IL11: variants seen among roughly 807,000 people sequenced by gnomAD.
IL11 encodes the protein interleukin 11.
IL11 carries 17 observed loss-of-function variants against 18.1 expected under a neutral mutation model. That is an observed-to-expected ratio of 0.94 (90% CI 0.64 to 1.41). The LOEUF (loss-of-function observed/expected upper bound fraction) is 1.41, where lower values mean the gene tolerates loss of function less well. Among genes scored for constraint, IL11 ranks in the 40% most tolerant of loss-of-function variants. The pLI, the probability that IL11 is intolerant of heterozygous loss-of-function variation, is 0.00. For synonymous variants in IL11, 144 were observed against 134.1 expected (o/e 1.07, Z -0.51); for missense variants, 309 against 262.8 (o/e 1.18, Z -1.22).
Position 55,369,066 on chromosome 19 carries a change from A to T in IL11, c.8-125T>A, listed in dbSNP as rs1434544032. 7 of 813,446 alleles carry T rather than the reference A, an allele frequency of 8.6e-6. No individual in the cohort carries two copies. Among genetic ancestry groups the T allele is most frequent in the Non-Finnish European group, 1.1e-5 (6 of 557,990 alleles). 50.4% of individuals were successfully genotyped at this position (813,446 alleles called of 1,614,324 possible). ...TCTGGACTCCTCCTGGGTCTGAGGG[A>T]GGAGAGGCTGGGGGCCTGGACTCCT... On this transcript the variant is annotated intron_variant, in intron 1 of 4. Coordinates refer to ENST00000264563, the MANE Select transcript of IL11 (RefSeq NM_000641.4). This position sits in a 1 kb window ranked among gnomAD's most constrained non-coding sequence, Gnocchi z 6.1.
In IL11 at chr19:55,367,680, GAACTCCC is replaced by G. The variant is rs537918450; in HGVS notation, c.429+523_429+529del. 5.0e-4 allele frequency among the ~76,000 whole-genome samples: 76 copies of G among 151,906 alleles called. 1 individual carries two copies. In the East Asian group the frequency reaches 0.014, roughly 29 times the overall value. On this transcript the variant is annotated intron_variant, in intron 4 of 4. Coordinates refer to ENST00000264563, the MANE Select transcript of IL11 (RefSeq NM_000641.4). ...TCACCATGTTGGTCTGGCTGGTCTTGAACTCCCGACCTCAGGTGATCCACTTGCCTCG... is the reference window on the plus strand; with the variant it reads ...TCACCATGTTGGTCTGGCTGGTCTTGGACCTCAGGTGATCCACTTGCCTCG...
intron 1 of IL11, 35 bp downstream of exon 1, chr19:55,370,269 C>T (rs928488794): frequency 4.7e-6 from 7 of 1,481,078 alleles, no homozygotes; most frequent in Non-Finnish European, 6.4e-6. Flanking sequence ...TCCCTGCCTC[C>T]CTGTCCCCTC....
chr19:55,368,407 C>A (rs1469941985), intron 3 of IL11, 36 bp from the exon 4 acceptor site: 1 of 1,585,890 alleles, frequency 6.3e-7, no homozygotes, highest in Non-Finnish European at 8.6e-7. Flanking sequence ...GAACACCCGA[C>A]CAGTGCCCCT....
chr19:55,369,288 CG>C lies in IL11; in HGVS notation c.8-348del, dbSNP rs1223206135. The stretch of plus-strand genomic sequence containing the variant: ...TGGCTGCCCCGCCCGTCGGAGCAGA[CG>C]CGGCCCGGGGCGGGTAGACGGGCCG... On this transcript the variant is annotated intron_variant, in intron 1 of 4. Transcript: ENST00000264563. This position sits in a 1 kb window ranked among gnomAD's most constrained non-coding sequence, Gnocchi z 6.1. 1.1e-5 allele frequency: 2 copies of C among 180,702 alleles called. No individual in the cohort carries two copies. The highest frequency in any genetic ancestry group is 2.3e-5 in the Non-Finnish European group (2 of 86,986). The allele number at this position is 180,702 out of a possible 1,614,324, so 11.2% of individuals were successfully genotyped here.
In IL11 at chr19:55,366,123, C is replaced by A; in HGVS notation, c.484G>T (p.Ala162Ser). Residue 162 changes from alanine (A) to serine (S), a missense_variant, in exon 5 of 5, where the codon GCG (alanine) becomes TCG (serine). Transcript: ENST00000264563. This position sits in a 1 kb window ranked among gnomAD's most constrained non-coding sequence, Gnocchi z 4.6. ...CCCCCCCAGGCTGAGGAGGGGGGCGCCAGCGGGGGCGCCGGCGGGTCCGGG... is the reference window on the plus strand; with the variant it reads ...CCCCCCCAGGCTGAGGAGGGGGGCGACAGCGGGGGCGCCGGCGGGTCCGGG... ...PPPDPPAPPL[A>S]PPSSAWGGIR... The A allele has an allele frequency of 6.5e-7, 1 of 1,537,184 alleles. No homozygotes were observed.
Position 55,368,823 on chromosome 19 carries a change from G to A in IL11, c.126C>T (p.Thr42=), listed in dbSNP as rs759771192. ...CCAGGAGAGAGCGGGTCAGGAGCAC[G>A]GTGCTGTCCAGCTCGGCCCGAGGGT... is the stretch of plus-strand genomic sequence containing the variant. ...SPDPRAELDS[T]VLLTRSLLAD... is the part of the protein sequence containing the mutation. Residue 42 remains threonine, a synonymous_variant, in exon 2 of 5, where the codon ACC becomes ACT. Transcript: ENST00000264563. The A allele has an allele frequency of 4.4e-6, 7 of 1,592,864 alleles. No individual in the cohort carries two copies. The highest frequency in any genetic ancestry group is 1.8e-5 in the Admixed American group (1 of 56,184).
chr19:55,370,239 C>A (rs373870697), intron 1 of IL11, 65 bp downstream of exon 1: 13 of 1,278,300 alleles, frequency 1.0e-5, no homozygotes, highest in African/African-American at 5.9e-5. Context: ...TGCTCCCACC[C>A]CCGCCGTGGG....
rs749604182 is a variant in IL11 at position 55,368,267 on chromosome 19, G to A, written c.372C>T (p.Pro124=). ...GTCGGGCCTGCAGGGTGCCCAGCTC[G>A]GGCTCCAGGGTCTTCAGGGAAGAGC... ...AGGSSLKTLE[P]ELGTLQARLD... Residue 124 remains proline (P), a synonymous_variant, in exon 4 of 5, where the codon CCC becomes CCT. Coordinates refer to ENST00000264563, the MANE Select transcript of IL11 (RefSeq NM_000641.4). The A allele has an allele frequency of 2.1e-5, 32 of 1,553,120 alleles. No homozygotes were observed. The highest frequency in any genetic ancestry group is 3.5e-5 in the South Asian group (3 of 84,658).
chr19:55,367,740 G>A (rs1426812686), intron 4 of IL11, among the ~76,000 whole-genome samples: 3 of 151,898 alleles, frequency 2.0e-5, no homozygotes, highest in African/African-American at 4.8e-5. Context: ...GATTACAGGC[G>A]TGAGCCACCA....
rs1818509678 is a variant in IL11, at chr19:55,369,811, C to T, written c.7+493G>A. On this transcript the variant is annotated intron_variant, in intron 1 of 4. Transcript: ENST00000264563. This position sits in a 1 kb window ranked among gnomAD's most constrained non-coding sequence, Gnocchi z 6.1. ...TCCGCGCCTCCGTCGGCCGCATCTG[C>T]CCGGCTCTCCCCGCTTTCCCCCCGC... is the stretch of plus-strand genomic sequence containing the variant. Among the ~76,000 whole-genome samples, 1 of 151,632 alleles carries T rather than the reference C, an allele frequency of 6.6e-6. No homozygotes were observed. Among genetic ancestry groups the T allele is most frequent in the Non-Finnish European group, 1.5e-5 (1 of 67,786 alleles).
In IL11 at chr19:55,366,586, G is replaced by A. The variant is rs561100518; in HGVS notation, c.430-409C>T. Among the ~76,000 whole-genome samples, 1,044 of 152,186 alleles carry A rather than the reference G, an allele frequency of 6.9e-3. 28 individuals carry two copies. Among genetic ancestry groups the A allele is most frequent in the Non-Finnish European group, 7.4e-3 (500 of 67,996 alleles). On this transcript the variant is annotated intron_variant, in intron 4 of 4. Transcript: ENST00000264563. This position sits in a 1 kb window ranked among gnomAD's most constrained non-coding sequence, Gnocchi z 4.6. ...AGCGCTTTGGGAGGCCGAGGCGGGC[G>A]GATGGCCTGAGCTCAGGAGTTTGTG...
chr19:55,368,636 A>G lies in IL11; in HGVS notation c.181-67T>C. On this transcript the variant is annotated intron_variant, in intron 2 of 4. Transcript: ENST00000264563. ...CGGGGCTCCCTCCATCCCCCACGCC[A>G]GGCCCCCAACTCTTCCCCTCCCTCA... 2.0e-6 allele frequency: 3 copies of G among 1,470,020 alleles called. No homozygotes were observed. In the South Asian group the frequency reaches 3.7e-5, roughly 18 times the overall value. 91.1% of individuals were successfully genotyped at this position (1,470,020 alleles called of 1,614,324 possible).
At chr19:55,370,199 G>A in intron 1 of IL11, 105 bp downstream of exon 1, 2 of 850,426 alleles carry the variant, frequency 2.4e-6, no homozygotes, top group Non-Finnish European at 3.9e-6. Context: ...GCCTGTCTCC[G>A]GGTCCCTCTC....
In IL11 at chr19:55,368,802, G is replaced by T; in HGVS notation, c.147C>A (p.Leu49=). The change falls in exon 2 of 5, where the codon CTC becomes CTA. Residue 49 remains leucine, a synonymous_variant. Coordinates refer to ENST00000264563, the MANE Select transcript of IL11 (RefSeq NM_000641.4). ...LDSTVLLTRS[L]LADTRQLAAQ... is the part of the protein sequence containing the mutation. The stretch of plus-strand genomic sequence containing the variant: ...CAGCCAGCTGCCGCGTGTCCGCCAG[G>T]AGAGAGCGGGTCAGGAGCACGGTGC... The T allele has an allele frequency of 6.3e-7, 1 of 1,592,310 alleles. No homozygotes were observed. The highest frequency in any genetic ancestry group is 2.3e-5 in the East Asian group (1 of 44,186).
chr19:55,370,314 C>T lies in IL11; in HGVS notation c.-4G>A. 2 of 1,464,894 alleles carry T rather than the reference C, an allele frequency of 1.4e-6. No homozygotes were observed. Among genetic ancestry groups the T allele is most frequent in the Non-Finnish European group, 1.8e-6 (2 of 1,098,176 alleles). 90.7% of individuals were successfully genotyped at this position (1,464,894 alleles called of 1,614,324 possible). A position where few individuals can be genotyped will look rare whatever the true frequency, so the allele number is the denominator to read the frequency against. On this transcript the variant is annotated 5_prime_UTR_variant, in exon 1 of 5. Transcript: ENST00000264563. ...CATGAACCAACTTACAGTTCATGTC[C>T]CCACAGGGCCAGGGGTTCCCCAGGG...
chr19:55,368,754 C>T lies in IL11; in HGVS notation c.180+15G>A, dbSNP rs1310698717. ...CCTCTCACTCCTGTGCTGGCCCCAG[C>T]CCAGTCTCTCCTACCAGCTGTGCAG... is the stretch of plus-strand genomic sequence containing the variant. On this transcript the variant is annotated intron_variant, in intron 2 of 4. Coordinates refer to ENST00000264563, the MANE Select transcript of IL11 (RefSeq NM_000641.4). 9 of 1,564,382 alleles carry T rather than the reference C, an allele frequency of 5.8e-6. No homozygotes were observed. Among genetic ancestry groups the T allele is most frequent in the Middle Eastern group, 1.7e-4 (1 of 5,980 alleles).
At position 55,366,261 on chromosome 19, in the gene IL11, T is replaced by C; in HGVS notation, c.430-84A>G. 1 of 1,390,186 alleles carries C rather than the reference T, an allele frequency of 7.2e-7. No homozygotes were observed. The highest frequency in any genetic ancestry group is 9.4e-7 in the Non-Finnish European group (1 of 1,061,134). 86.1% of individuals were successfully genotyped at this position (1,390,186 alleles called of 1,614,324 possible). A position where few individuals can be genotyped will look rare whatever the true frequency, so the allele number is the denominator to read the frequency against. ...GGGGTGCTGTGGAGCTGCAGCTGAA[T>C]CGGGGCTGCATATTCACAGGGGGAC... is the stretch of plus-strand genomic sequence containing the variant. On this transcript the variant is annotated intron_variant, in intron 4 of 4. Transcript: ENST00000264563. This position sits in a 1 kb window ranked among gnomAD's most constrained non-coding sequence, Gnocchi z 4.6.
At chr19:55,367,450 C>CTTTTTTT (rs980514763) in intron 4 of IL11, among the ~76,000 whole-genome samples, 5 of 69,820 alleles carry the variant, frequency 7.2e-5, no homozygotes, top group African/African-American at 2.2e-4. Context: ...TCTTTTCCTT[C>CTTTTTTT]TTTTTTTTTT....
intron 3 of IL11, 55 bp downstream of exon 3, chr19:55,368,428 G>A (rs890415810): frequency 9.5e-6 from 15 of 1,576,168 alleles, no homozygotes; most frequent in African/African-American, 1.3e-5. Flanking sequence ...CATCCTCCCC[G>A]CCCCCTTCAC....
Sources: allele counts gnomAD v4.1 joint callset (sites outside exome capture counted in the v4.1 genomes callset), GRCh38; gene constraint gnomAD v4.1.1; non-coding constraint Gnocchi (gnomAD v3.1); transcripts MANE v1.5; gene names NCBI Gene and HGNC (gene_info 2026-07-23, HGNC 2026-07-21).